MKLN1: variants seen among roughly 807,000 people sequenced by gnomAD.
MKLN1 encodes the protein muskelin.
MKLN1 carries 18 observed loss-of-function variants against 99.0 expected under a neutral mutation model. That is an observed-to-expected ratio of 0.18 (90% CI 0.13 to 0.27). The LOEUF (loss-of-function observed/expected upper bound fraction) is 0.27. Ranked by LOEUF, MKLN1 falls within the 10% of genes least tolerant of loss-of-function variation. The pLI is 1.00. For synonymous variants in MKLN1, 288 were observed against 293.2 expected (o/e 0.98, Z 0.18); for missense variants, 621 against 875.9 (o/e 0.71, Z 3.67).
intron 2 of MKLN1, among the ~76,000 whole-genome samples, chr7:131,176,967 G>A (rs1403666035): frequency 2.0e-5 from 3 of 152,176 alleles, no homozygotes; most frequent in East Asian, 1.9e-4. Flanking sequence ...TAGGCTGGGA[G>A]GGATGGTAAT....
chr7:131,472,467 C>T (rs1452035115), intron 16 of MKLN1, among the ~76,000 whole-genome samples: 1 of 152,174 alleles, frequency 6.6e-6, no homozygotes, highest in Non-Finnish European at 1.5e-5. Flanking sequence ...TTCTGTTTTT[C>T]TTCTTTTTAA....
chr7:131,427,344 A>T (rs1439730635), intron 8 of MKLN1, among the ~76,000 whole-genome samples: 1 of 152,192 alleles, frequency 6.6e-6, no homozygotes, highest in Non-Finnish European at 1.5e-5. Flanking sequence ...GTACACTTTG[A>T]ATTGTAACCC....
intron 3 of MKLN1, among the ~76,000 whole-genome samples, chr7:131,278,698 T>C (rs938127503): frequency 1.3e-5 from 2 of 152,160 alleles, no homozygotes; most frequent in Admixed American, 6.5e-5. Context: ...CCTCAAGCAG[T>C]CCTCCCAGCT....
chr7:131,260,429 T>C (rs1797715732), intron 3 of MKLN1, among the ~76,000 whole-genome samples: 1 of 152,044 alleles, frequency 6.6e-6, no homozygotes, highest in African/African-American at 2.4e-5. Context: ...GCCAGGGAGA[T>C]GACTACAATG....
chr7:131,219,248 G>A (rs1481522638), intron 3 of MKLN1, among the ~76,000 whole-genome samples: 8 of 144,574 alleles, frequency 5.5e-5, no homozygotes, highest in African/African-American at 1.8e-4. Context: ...AAAAAAAATA[G>A]TGTTAGCATC....
At chr7:131,400,483 C>G (rs537242222) in intron 6 of MKLN1, among the ~76,000 whole-genome samples, 145 of 144,866 alleles carry the variant, frequency 1.0e-3, no homozygotes, top group Non-Finnish European at 1.7e-3. Flanking sequence ...TAACTAATCT[C>G]TTAACAGACT....
At chr7:131,236,566 G>T (rs1449808889) in intron 3 of MKLN1, among the ~76,000 whole-genome samples, 1 of 151,936 alleles carries the variant, frequency 6.6e-6, no homozygotes, top group African/African-American at 2.4e-5. Flanking sequence ...GAGGCTGAGT[G>T]GGGAGGATCA....
chr7:131,220,996 G>A (rs759573951), intron 3 of MKLN1, among the ~76,000 whole-genome samples: 30 of 152,184 alleles, frequency 2.0e-4, no homozygotes, highest in Admixed American at 8.5e-4. Flanking sequence ...AACCCTGTGT[G>A]GGTAGTTTCA....
intron 2 of MKLN1, among the ~76,000 whole-genome samples, chr7:131,175,401 C>G (rs1203260771): frequency 6.6e-6 from 1 of 152,076 alleles, no homozygotes; most frequent in Admixed American, 6.5e-5. Flanking sequence ...TCAGGTCATT[C>G]TAAGTAGAAA....
intron 3 of MKLN1, among the ~76,000 whole-genome samples, chr7:131,302,256 CCT>C (rs1705483772): frequency 6.6e-6 from 1 of 152,262 alleles, no homozygotes; most frequent in Non-Finnish European, 1.5e-5. Context: ...ACGCCCAGCC[CCT>C]GACTCATGGG....
chr7:131,312,003 TTTTTTG>T (rs1798575149), intron 3 of MKLN1, among the ~76,000 whole-genome samples: 1 of 151,292 alleles, frequency 6.6e-6, no homozygotes, highest in Non-Finnish European at 1.5e-5. Context: ...GCAGGTATTT[TTTTTTG>T]TTTTTTGTTT....
chr7:131,267,476 G>A (rs796544485), intron 3 of MKLN1, among the ~76,000 whole-genome samples: 1 of 152,272 alleles, frequency 6.6e-6, no homozygotes, highest in Non-Finnish European at 1.5e-5. Flanking sequence ...AGATAAGGTT[G>A]TTGCCCTTCC....
intron 3 of MKLN1, among the ~76,000 whole-genome samples, chr7:131,226,701 G>A (rs968418362): frequency 3.3e-5 from 5 of 152,096 alleles, no homozygotes; most frequent in African/African-American, 1.2e-4. Context: ...CATGAGAATG[G>A]GACTATTCCT....
chr7:131,421,030 G>C (rs1479024460), intron 8 of MKLN1, among the ~76,000 whole-genome samples: 15 of 152,224 alleles, frequency 9.9e-5, no homozygotes, highest in Admixed American at 9.8e-4. Flanking sequence ...TAAATTTTCA[G>C]ATTCTACTTG....
intron 10 of MKLN1, 82 bp downstream of exon 10, chr7:131,438,079 C>G (rs904049873): frequency 9.3e-7 from 1 of 1,071,266 alleles, no homozygotes; most frequent in Non-Finnish European, 1.4e-6. Context: ...AGATGTTATG[C>G]TGAGTTGTCC....
intron 1 of MKLN1, among the ~76,000 whole-genome samples, chr7:131,337,521 T>C (rs573983937): frequency 6.6e-6 from 1 of 152,132 alleles, no homozygotes; most frequent in African/African-American, 2.4e-5. Flanking sequence ...TTAGTTATAG[T>C]ATTTTTTAGT....
chr7:131,188,408 G>C (rs1318452244), intron 2 of MKLN1, among the ~76,000 whole-genome samples: 2 of 152,328 alleles, frequency 1.3e-5, no homozygotes, highest in Middle Eastern at 3.4e-3. Flanking sequence ...ACCACAGTGG[G>C]CTTGCTCACA....
chr7:131,175,520 C>A (rs1018234198), intron 2 of MKLN1, among the ~76,000 whole-genome samples: 5 of 152,188 alleles, frequency 3.3e-5, no homozygotes, highest in African/African-American at 1.2e-4. Context: ...ATAGGAACAT[C>A]TAGAGAGTTA....
chr7:131,157,221 A>G (rs1795982953), intron 2 of MKLN1, among the ~76,000 whole-genome samples: 1 of 152,136 alleles, frequency 6.6e-6, no homozygotes. Context: ...CTCTACAAAA[A>G]ATACAAAAAA....
Sources: allele counts gnomAD v4.1 joint callset (sites outside exome capture counted in the v4.1 genomes callset), GRCh38; gene constraint gnomAD v4.1.1; transcripts MANE v1.5; gene names NCBI Gene and HGNC (gene_info 2026-07-23, HGNC 2026-07-21).